Variants in NEAT1 observed in about 807,000 individuals in gnomAD.
NEAT1 encodes nuclear paraspeckle assembly transcript 1, also known as MENepsilon/beta.
In NEAT1 at chr11:65,437,226, T is replaced by TATAC. The variant is rs1555046558; in HGVS notation, n.14430_14431insTACA. Reference sequence around the variant, plus strand: ...ATATATATATGTATATATATATATATACATATATATATACATATATATATA... The same window carrying TATAC: ...ATATATATATGTATATATATATATATATACACATATATATATACATATATATATA... On this transcript the variant is annotated non_coding_transcript_exon_variant, in exon 1 of 1. Transcript: ENST00000501122. 152 of 141,958 alleles carry TATAC rather than the reference T, an allele frequency of 1.1e-3. 1 individual carries two copies. Among genetic ancestry groups the TATAC allele is most frequent in the African/African-American group, 4.1e-3 (149 of 36,772 alleles). 8.8% of individuals were successfully genotyped at this position (141,958 alleles called of 1,614,324 possible). A position where few individuals can be genotyped will look rare whatever the true frequency, so the allele number is the denominator to read the frequency against.
At chr11:65,427,866 C>T (rs1856577294) in exon 1 of NEAT1, 1 of 152,178 alleles carries the variant, frequency 6.6e-6, no homozygotes, top group Admixed American at 6.5e-5. Flanking sequence ...ATGGTGCTGT[C>T]TCCAGCAACT....
exon 1 of NEAT1, chr11:65,431,133 A>C (rs1856610268): frequency 6.6e-6 from 1 of 152,172 alleles, no homozygotes; most frequent in Non-Finnish European, 1.5e-5. Context: ...TTAAATCATG[A>C]AGTATTTGTC....
chr11:65,432,035 T>TA (rs1173060471), exon 1 of NEAT1: 1 of 152,192 alleles, frequency 6.6e-6, no homozygotes, highest in African/African-American at 2.4e-5. Flanking sequence ...TTAGTTGTCT[T>TA]AGTCTATATT....
At chr11:65,439,827 G>A (rs1049142853) in exon 1 of NEAT1, 2 of 152,196 alleles carry the variant, frequency 1.3e-5, no homozygotes, top group Admixed American at 6.5e-5. Context: ...AGAAAAAGGT[G>A]CAGTTGGGTT....
chr11:65,423,283 C>CT (rs1856519426), exon 1 of NEAT1: 2 of 152,432 alleles, frequency 1.3e-5, no homozygotes, highest in Admixed American at 6.5e-5. Context: ...CCAGCAGCCC[C>CT]TTTTTTTCCA....
At chr11:65,444,794 C>T (rs1856751645) in exon 1 of NEAT1, 1 of 261,634 alleles carries the variant, frequency 3.8e-6, no homozygotes, top group Non-Finnish European at 7.7e-6. Context: ...CCCTGTGCTT[C>T]CGACTTCATT....
exon 1 of NEAT1, chr11:65,426,017 T>C (rs1856557626): frequency 6.6e-6 from 1 of 152,050 alleles, no homozygotes; most frequent in African/African-American, 2.4e-5. Flanking sequence ...AAACAAGACC[T>C]AAAAAGGGAA....
At chr11:65,431,845 A>G (rs1199877912) in exon 1 of NEAT1, 1 of 152,186 alleles carries the variant, frequency 6.6e-6, no homozygotes, top group Non-Finnish European at 1.5e-5. Flanking sequence ...ATTTGCAAAT[A>G]TCTTCTCTTA....
chr11:65,429,314 C>T (rs756248068), exon 1 of NEAT1: 4 of 152,192 alleles, frequency 2.6e-5, no homozygotes, highest in Non-Finnish European at 5.9e-5. Context: ...TTAGTGTTCT[C>T]ACTGGTGAGG....
chr11:65,437,935 A>G (rs1856676333), exon 1 of NEAT1: 1 of 152,208 alleles, frequency 6.6e-6, no homozygotes, highest in Non-Finnish European at 1.5e-5. Context: ...GTAAGTTCAT[A>G]CAAACCCAGC....
chr11:65,441,126 T>C (rs2134907496), exon 1 of NEAT1: 1 of 152,244 alleles, frequency 6.6e-6, no homozygotes. Context: ...ACCTATCCGT[T>C]GGTTTGTGTG....
At chr11:65,426,415 T>TA (rs1393639069) in exon 1 of NEAT1, 1 of 152,228 alleles carries the variant, frequency 6.6e-6, no homozygotes, top group Non-Finnish European at 1.5e-5. Context: ...TGGTTGAAAG[T>TA]ACTGGTATGT....
At chr11:65,438,522 AT>A (rs1243128831) in exon 1 of NEAT1, 2 of 152,204 alleles carry the variant, frequency 1.3e-5, no homozygotes, top group African/African-American at 4.8e-5. Context: ...TCATAAAAAA[AT>A]AACTTCCTAC....
At chr11:65,444,197 T>A (rs1431028142) in exon 1 of NEAT1, 5 of 304,174 alleles carry the variant, frequency 1.6e-5, no homozygotes, top group Middle Eastern at 1.1e-3. Context: ...CCCAACACAT[T>A]CCCCACCCCT....
chr11:65,439,354 T>C (rs1856693431), exon 1 of NEAT1: 1 of 152,226 alleles, frequency 6.6e-6, no homozygotes, highest in Admixed American at 6.5e-5. Context: ...TTATCGATAA[T>C]GTCCTTAGAC....
chr11:65,426,011 A>C (rs554560878), exon 1 of NEAT1: 1 of 152,312 alleles, frequency 6.6e-6, no homozygotes, highest in South Asian at 2.1e-4. Flanking sequence ...TTTGGAAAAC[A>C]AGACCTAAAA....
chr11:65,434,819 A>T (rs1323981355), exon 1 of NEAT1: 1 of 152,148 alleles, frequency 6.6e-6, no homozygotes, highest in Non-Finnish European at 1.5e-5. Flanking sequence ...GACGCTCCAT[A>T]TATGAAACTT....
exon 1 of NEAT1, chr11:65,422,991 A>G (rs1231302128): frequency 3.3e-5 from 5 of 152,140 alleles, no homozygotes; most frequent in African/African-American, 1.2e-4. Flanking sequence ...GCTGCATGGA[A>G]AATATCCGCA....
chr11:65,436,132 T>G (rs1228406719), exon 1 of NEAT1: 1 of 152,242 alleles, frequency 6.6e-6, no homozygotes, highest in African/African-American at 2.4e-5. Context: ...GCTCTGGCTC[T>G]TACCTCATAG....
Sources: gnomAD v4.1 joint callset for allele counts on GRCh38, gnomAD v4.1.1 for gene constraint, MANE v1.5 for transcripts, NCBI Gene and HGNC (gene_info 2026-07-23, HGNC 2026-07-21) for gene names.